Variants in HTR3E observed in about 807,000 individuals in gnomAD.
HTR3E encodes 5-hydroxytryptamine (serotonin) receptor 3, family member E.
In HTR3E, 38 loss-of-function variants were observed where a neutral mutation model predicts 38.0. That is an observed-to-expected ratio of 1.00 (90% CI 0.77 to 1.31). HTR3E has a LOEUF of 1.31. HTR3E is among the 50% of genes most tolerant of loss of function. HTR3E has a pLI of 0.00. For synonymous variants in HTR3E, 210 were observed against 232.9 expected (o/e 0.90, Z 0.89); for missense variants, 547 against 585.2 (o/e 0.93, Z 0.67).
chr3:184,106,655 TC>T lies in HTR3E; in HGVS notation c.1335del (p.Ser446LeufsTer48). 1 of 1,614,152 alleles carries T rather than the reference TC, an allele frequency of 6.2e-7. No homozygotes were observed. Among genetic ancestry groups the T allele is most frequent in the Non-Finnish European group, 8.5e-7 (1 of 1,180,012 alleles). ...CCGCCTCTACCTGCTCTTCATGGCC[TC>T]CTCTATCATCACCGTCATATGCCTC... ...LFRLYLLFMA[S>X]SIITVICLWN... On this transcript the variant is annotated frameshift_variant, in exon 9 of 9. Transcript: ENST00000415389. LOFTEE classifies it high-confidence loss of function. The surrounding 1 kb of genome is among the most constrained non-coding windows in gnomAD (Gnocchi z 4.1).
Position 184,105,917 on chromosome 3 carries a change from C to T in HTR3E, c.873C>T (p.Val291=), listed in dbSNP as rs1712412664. The T allele has an allele frequency of 6.2e-7, 1 of 1,614,108 alleles. No homozygotes were observed. The highest frequency in any genetic ancestry group is 1.3e-5 in the African/African-American group (1 of 74,946). Residue 291 remains valine, a synonymous_variant, in exon 7 of 9, where the codon GTC becomes GTT. Transcript: ENST00000415389. ...TAACGCTCCTGCTGGGCTACAACGT[C>T]TTCCTGCTCATGATGAGTGACTTGC... The part of the protein sequence containing the change: ...FKITLLLGYN[V]FLLMMSDLLP...
At position 184,104,893 on chromosome 3, in the gene HTR3E, ATCT is replaced by A. The variant is rs764144760; in HGVS notation, c.500_502del (p.Phe167del). 27 of 1,613,996 alleles carry A rather than the reference ATCT, an allele frequency of 1.7e-5. No individual in the cohort carries two copies. Among genetic ancestry groups the A allele is most frequent in the Non-Finnish European group, 2.2e-5 (26 of 1,180,026 alleles). On this transcript the variant is annotated inframe_deletion, in exon 5 of 9. Transcript: ENST00000415389. ...GGTGGACAGTATCTGTAACCTGGAC[ATCT>A]TCTACTTCCCCTTCGACCAGCAGAA...
At position 184,104,823 on chromosome 3, in the gene HTR3E, A is replaced by G. The variant is rs759017148; in HGVS notation, c.426A>G (p.Ala142=). The G allele has an allele frequency of 1.9e-6, 3 of 1,614,042 alleles. No homozygotes were observed. The South Asian group carries it at 3.3e-5, about 18-fold the overall frequency. The change falls in exon 5 of 9, where the codon GCA becomes GCG. Residue 142 remains alanine (A), a synonymous_variant. Coordinates refer to ENST00000415389, the MANE Select transcript of HTR3E (RefSeq NM_001256613.2). ...DVDKTPKGLT[A]YVSNEGRIRY... ...ATAAGACCCCAAAAGGCCTCACAGC[A>G]TATGTAAGTAATGAAGGTCGCATCA...
intron 3 of HTR3E, among the ~76,000 whole-genome samples, chr3:184,103,308 T>G (rs1027101591): frequency 2.1e-5 from 3 of 141,878 alleles, no homozygotes; most frequent in African/African-American, 7.5e-5. Context: ...ATGATGAAAC[T>G]CCATCTCTAC....
chr3:184,104,497 G>A, intron 4 of HTR3E: 1 of 637,702 alleles, frequency 1.6e-6, no homozygotes, highest in Non-Finnish European at 2.4e-6. Context: ...CTTCAGTTCA[G>A]GAGTTTGAGA....
chr3:184,106,786 T>A lies in HTR3E; in HGVS notation c.*93T>A, dbSNP rs1712494796. Reference sequence around the variant, plus strand: ...CCTTTCCTGAGTACCAACTATCATATCCCCAAAGATGACTGAGTCTCTGCT... The same window carrying A: ...CCTTTCCTGAGTACCAACTATCATAACCCCAAAGATGACTGAGTCTCTGCT... On this transcript the variant is annotated 3_prime_UTR_variant, in exon 9 of 9. Coordinates refer to ENST00000415389, the MANE Select transcript of HTR3E (RefSeq NM_001256613.2). This position sits in a 1 kb window ranked among gnomAD's most constrained non-coding sequence, Gnocchi z 4.1. The A allele has an allele frequency of 2.4e-6, 3 of 1,248,372 alleles. No individual in the cohort carries two copies. The highest frequency in any genetic ancestry group is 2.3e-6 in the Non-Finnish European group (2 of 875,184). The allele number at this position is 1,248,372 out of a possible 1,614,324, so 77.3% of individuals were successfully genotyped here. A position where few individuals can be genotyped will look rare whatever the true frequency, so the allele number is the denominator to read the frequency against.
Position 184,104,258 on chromosome 3 carries a change from AC to A in HTR3E, c.358del (p.Leu120CysfsTer25). Reference protein sequence around the residue: ...GITKMSMAAKNLWLPDIFIIE... With the variant: ...GITKMSMAAKXLWLPDIFIIE... ...ACGAAGATGAGTATGGCAGCCAAGA[AC>A]CTGTGGCTCCCAGACATTTTCATCA... On this transcript the variant is annotated frameshift_variant, in exon 4 of 9. Transcript: ENST00000415389. LOFTEE classifies it high-confidence loss of function. 1.2e-6 allele frequency: 2 copies of A among 1,613,218 alleles called. No homozygotes were observed. Among genetic ancestry groups the A allele is most frequent in the Non-Finnish European group, 1.7e-6 (2 of 1,179,652 alleles).
intron 3 of HTR3E, among the ~76,000 whole-genome samples, chr3:184,103,376 T>C (rs1712182167): frequency 6.6e-6 from 1 of 152,052 alleles, no homozygotes; most frequent in African/African-American, 2.4e-5. Context: ...ACGCCTGTAA[T>C]CCCAGCACTT....
At chr3:184,105,596 T>C (rs1712377829) in intron 6 of HTR3E, among the ~76,000 whole-genome samples, 169 bp downstream of exon 6, 1 of 152,194 alleles carries the variant, frequency 6.6e-6, no homozygotes, top group Admixed American at 6.5e-5. Flanking sequence ...CCTAACTGTC[T>C]CTTTGCAGGT....
intron 1 of HTR3E, chr3:184,100,104 C>A: frequency 7.9e-7 from 1 of 1,268,846 alleles, no homozygotes; most frequent in Non-Finnish European, 9.9e-7. Flanking sequence ...GGACCCCTCT[C>A]GGTGATCCCC....
chr3:184,103,628 C>CAAA (rs11441494), intron 3 of HTR3E, among the ~76,000 whole-genome samples: 4 of 78,832 alleles, frequency 5.1e-5, no homozygotes, highest in Non-Finnish European at 7.0e-5. Flanking sequence ...GACTCCATCT[C>CAAA]AAAAAAAAAA....
rs766257187 is a variant in HTR3E, at chr3:184,105,280, G to C, written c.573G>C (p.Leu191Phe). 4 of 1,612,500 alleles carry C rather than the reference G, an allele frequency of 2.5e-6. No homozygotes were observed. In the South Asian group the frequency reaches 4.4e-5, roughly 18 times the overall value. The change falls in exon 6 of 9, where the codon TTG becomes TTC. Residue 191 changes from leucine (L) to phenylalanine (F), a missense_variant. By Grantham distance (22) the Leu-to-Phe change is conservative (BLOSUM62 0). Transcript: ENST00000415389. The stretch of plus-strand genomic sequence containing the variant: ...TCTCATTTTCAGTGGACAGCATGTT[G>C]CTGGACATGGAGAAAGAAGTGTGGG... Reference protein sequence around the residue: ...SSFLYTVDSMLLDMEKEVWEI... With the variant: ...SSFLYTVDSMFLDMEKEVWEI...
In HTR3E at chr3:184,097,485, T is replaced by C. The variant is rs1245899170; in HGVS notation, c.-45T>C. On this transcript the variant is annotated 5_prime_UTR_variant, in exon 1 of 9. Transcript: ENST00000415389. ...GCCTGTGCTGCTTTAATCTGGGCATTCCTGGGTCCCAGTACATGTTCAGAG... is the reference window on the plus strand; with the variant it reads ...GCCTGTGCTGCTTTAATCTGGGCATCCCTGGGTCCCAGTACATGTTCAGAG... 1 of 1,434,538 alleles carries C rather than the reference T, an allele frequency of 7.0e-7. No homozygotes were observed. The highest frequency in any genetic ancestry group is 1.2e-5 in the South Asian group (1 of 81,968). 88.9% of individuals were successfully genotyped at this position (1,434,538 alleles called of 1,614,324 possible).
chr3:184,103,639 A>AAG (rs1712207496), intron 3 of HTR3E, among the ~76,000 whole-genome samples: 1 of 150,656 alleles, frequency 6.6e-6, no homozygotes, highest in Admixed American at 6.6e-5. Flanking sequence ...AAAAAAAAAA[A>AAG]AAAAAAAAAA....
At chr3:184,099,739 A>AAAAAACAAAAC (rs767836103) in intron 1 of HTR3E, among the ~76,000 whole-genome samples, 1 of 113,098 alleles carries the variant, frequency 8.8e-6, no homozygotes, top group Non-Finnish European at 1.7e-5. Flanking sequence ...AAAAAAAAAA[A>AAAAAACAAAAC]AGAAAGAAAT....
At chr3:184,104,411 A>C in intron 4 of HTR3E, 120 bp downstream of exon 4, 1 of 1,462,258 alleles carries the variant, frequency 6.8e-7, no homozygotes, top group Non-Finnish European at 9.1e-7. Context: ...CAGAGAGATA[A>C]GAAGAGAAAC....
chr3:184,104,957 G>GT lies in HTR3E; in HGVS notation c.559+2dup. The stretch of plus-strand genomic sequence containing the variant: ...ACCTTCAGCTCATTCCTCTACACAG[G>GT]TAAGTTGCAGTGAGGTCTCAGGGAT... On this transcript the variant is annotated splice_donor_variant, in intron 5 of 8. Coordinates refer to ENST00000415389, the MANE Select transcript of HTR3E (RefSeq NM_001256613.2). LOFTEE classifies it high-confidence loss of function. 6.2e-7 allele frequency: 1 copy of GT among 1,610,604 alleles called. No homozygotes were observed. Among genetic ancestry groups the GT allele is most frequent in the Non-Finnish European group, 8.5e-7 (1 of 1,178,416 alleles).
At chr3:184,099,853 G>A (rs947733937) in intron 1 of HTR3E, among the ~76,000 whole-genome samples, 4 of 152,140 alleles carry the variant, frequency 2.6e-5, no homozygotes, top group Non-Finnish European at 1.5e-5. Context: ...AAGAAGGAAG[G>A]TTGGGGCAGT....
intron 1 of HTR3E, among the ~76,000 whole-genome samples, chr3:184,099,443 G>A (rs566794982): frequency 2.6e-4 from 39 of 152,104 alleles, no homozygotes; most frequent in African/African-American, 8.9e-4. Flanking sequence ...GGCCGGGCAC[G>A]GTGGCTCACG....
Sources: gnomAD v4.1 joint callset for allele counts (sites outside exome capture counted in the v4.1 genomes callset) on GRCh38, gnomAD v4.1.1 for gene constraint, Gnocchi (gnomAD v3.1) non-coding constraint, MANE v1.5 for transcripts, NCBI Gene and HGNC (gene_info 2026-07-23, HGNC 2026-07-21) for gene names.